MMP28: variants seen among roughly 807,000 people sequenced by gnomAD.
MMP28 encodes the protein matrix metallopeptidase 28, also known as matrix metalloproteinase-28.
Under a neutral mutation model 60.5 loss-of-function variants are expected in MMP28, and 55 were observed. The ratio of observed to expected loss-of-function variants is 0.91; its 90% CI spans 0.73 to 1.14. The LOEUF (loss-of-function observed/expected upper bound fraction) is 1.14. Ranked by LOEUF, MMP28 falls within the 50% of genes most tolerant of loss-of-function variation. The pLI is 0.00. For synonymous variants in MMP28, 318 were observed against 312.5 expected, an observed-to-expected ratio of 1.02 and a Z score of -0.18; for missense variants, 686 against 738.3, an observed-to-expected ratio of 0.93 and a Z score of 0.82.
chr17:35,783,834 T>C (rs2086574711), intron 1 of MMP28, among the ~76,000 whole-genome samples: 1 of 152,104 alleles, frequency 6.6e-6, no homozygotes, highest in Non-Finnish European at 1.5e-5. Context: ...GTCCTGGGCC[T>C]TTCTTCCTAA....
chr17:35,769,001 A>G (rs1309159992), intron 5 of MMP28, among the ~76,000 whole-genome samples: 1 of 152,198 alleles, frequency 6.6e-6, no homozygotes, highest in Non-Finnish European at 1.5e-5. Context: ...AGGTGTCATG[A>G]GGGCAGAGTC....
chr17:35,763,090 C>T (rs1375162878), downstream of MMP28, among the ~76,000 whole-genome samples: 6 of 150,340 alleles, frequency 4.0e-5, no homozygotes, highest in Non-Finnish European at 7.4e-5. Flanking sequence ...CCACTGCACT[C>T]CAGCCTGGGC....
At chr17:35,756,429 A>G (rs1392404801) in intron 2 of MMP28, 2 of 984,586 alleles carry the variant, frequency 2.0e-6, no homozygotes, top group Non-Finnish European at 1.2e-6. Context: ...GCTGCAGTAA[A>G]GCAGAACAGA....
chr17:35,777,382 C>G (rs1555607888), intron 3 of MMP28, among the ~76,000 whole-genome samples: 1 of 152,212 alleles, frequency 6.6e-6, no homozygotes, highest in Non-Finnish European at 1.5e-5. Context: ...ATTGCTGACT[C>G]CTTGCTTTAC....
intron 1 of MMP28, among the ~76,000 whole-genome samples, chr17:35,781,273 T>A (rs1012316067): frequency 6.6e-6 from 1 of 152,168 alleles, no homozygotes; most frequent in Non-Finnish European, 1.5e-5. Context: ...AGTTTTTGGC[T>A]TGGAAGGTGA....
In MMP28 at chr17:35,790,905, A is replaced by T. The variant is rs576441557; in HGVS notation, c.111+4362T>A. ...ATGTATTAATGTTTTTTTTTTTTTT[A>T]AATGTGTAGAGACAGGGTCTCTCTA... On this transcript the variant is annotated intron_variant, in intron 1 of 7. Coordinates refer to ENST00000605424, the MANE Select transcript of MMP28 (RefSeq NM_024302.5). 4.6e-4 allele frequency among the ~76,000 whole-genome samples: 66 copies of T among 144,540 alleles called. 1 individual carries two copies. Among genetic ancestry groups the T allele is most frequent in the African/African-American group, 1.6e-3 (59 of 36,682 alleles). 94.8% of individuals were successfully genotyped at this position (144,540 alleles called of 152,430 possible).
chr17:35,769,311 G>A (rs1555604586), intron 5 of MMP28, among the ~76,000 whole-genome samples: 1 of 152,178 alleles, frequency 6.6e-6, no homozygotes, highest in Admixed American at 6.5e-5. Flanking sequence ...AAGTTTCTCA[G>A]GCTACAAAGC....
chr17:35,790,271 G>T (rs2086776151), intron 1 of MMP28, among the ~76,000 whole-genome samples: 1 of 151,654 alleles, frequency 6.6e-6, no homozygotes. Context: ...CACCATGTTG[G>T]TCAGGCTGGT....
At chr17:35,784,487 T>A (rs1555610065) in intron 1 of MMP28, among the ~76,000 whole-genome samples, 1 of 151,878 alleles carries the variant, frequency 6.6e-6, no homozygotes, top group Non-Finnish European at 1.5e-5. Context: ...GGTGGTGGGG[T>A]TGAAACTCCC....
chr17:35,773,219 C>CCCTTTGGA lies in MMP28; in HGVS notation c.564_565insTCCAAAGG (p.Asp189SerfsTer41). The CCCTTTGGA allele has an allele frequency of 6.2e-7, 1 of 1,614,024 alleles. No homozygotes were observed. The highest frequency in any genetic ancestry group is 8.5e-7 in the Non-Finnish European group (1 of 1,179,894). ...GCATTGCCCAGCCCATCGTTGTGGTCCCCTTGGAAGAAGGTGAGCCGGATG... is the reference window on the plus strand; with the variant it reads ...GCATTGCCCAGCCCATCGTTGTGGTCCCTTTGGACCCTTGGAAGAAGGTGAGCCGGATG... On this transcript the variant is annotated frameshift_variant, in exon 4 of 8. Transcript: ENST00000605424. LOFTEE classifies it high-confidence loss of function.
At position 35,766,133 on chromosome 17, in the gene MMP28, T is replaced by C. The variant is rs914125828; in HGVS notation, c.*367A>G. On this transcript the variant is annotated 3_prime_UTR_variant, in exon 8 of 8. Coordinates refer to ENST00000605424, the MANE Select transcript of MMP28 (RefSeq NM_024302.5). The surrounding 1 kb of genome is among the most constrained non-coding windows in gnomAD (Gnocchi z 4.3). The stretch of plus-strand genomic sequence containing the variant: ...GTCTTGCAAAATGGTCTCGAATTTC[T>C]CTGCTGAGTTTTTCATCCCCCTGCT... The C allele has an allele frequency of 2.9e-6, 3 of 1,032,338 alleles. No individual in the cohort carries two copies. In the East Asian group the frequency reaches 2.4e-4, roughly 84 times the overall value. The allele number at this position is 1,032,338 out of a possible 1,614,324, so 63.9% of individuals were successfully genotyped here. A position where few individuals can be genotyped will look rare whatever the true frequency, so the allele number is the denominator to read the frequency against.
intron 7 of MMP28, chr17:35,767,115 GA>G: frequency 2.8e-6 from 2 of 706,090 alleles, no homozygotes; most frequent in Middle Eastern, 2.3e-4. Flanking sequence ...GGTGTCAGCA[GA>G]GGGCAGATAG....
chr17:35,789,589 G>A lies in MMP28; in HGVS notation c.111+5678C>T, dbSNP rs1481477899. ...CATCCCACAAATATTGATATGAAAT[G>A]TTGTATTTTCATTATTATTTAGTTT... On this transcript the variant is annotated intron_variant, in intron 1 of 7. Coordinates refer to ENST00000605424, the MANE Select transcript of MMP28 (RefSeq NM_024302.5). Among the ~76,000 whole-genome samples, 3 of 151,026 alleles carry A rather than the reference G, an allele frequency of 2.0e-5. No individual in the cohort carries two copies. In the East Asian group the frequency reaches 5.8e-4, roughly 29 times the overall value.
chr17:35,779,116 A>G (rs1265674183), intron 2 of MMP28, 41 bp from the exon 3 acceptor site: 20 of 1,600,038 alleles, frequency 1.2e-5, no homozygotes, highest in Non-Finnish European at 1.7e-5. Context: ...GTGAGTGGTA[A>G]GGGTGAGGGC....
In MMP28 at chr17:35,769,993, G is replaced by A. The variant is rs767733768; in HGVS notation, c.850+74C>T. 6.1e-4 allele frequency: 894 copies of A among 1,461,388 alleles called. 1 individual carries two copies. The highest frequency in any genetic ancestry group is 7.5e-4 in the Non-Finnish European group (825 of 1,105,294). 90.5% of individuals were successfully genotyped at this position (1,461,388 alleles called of 1,614,324 possible). On this transcript the variant is annotated intron_variant, in intron 5 of 7. Transcript: ENST00000605424. ...CTTAGGATGGGAAATCCTATTTGCA[G>A]AGCCGGCGTTCAAGGACAGGAGGCC...
At chr17:35,757,617 AT>A (rs1407266756) in intron 2 of MMP28, among the ~76,000 whole-genome samples, 1 of 152,118 alleles carries the variant, frequency 6.6e-6, no homozygotes, top group African/African-American at 2.4e-5. Flanking sequence ...GTTAGGCATT[AT>A]GGATTTGACT....
intron 1 of MMP28, among the ~76,000 whole-genome samples, chr17:35,781,642 T>C (rs147979129): frequency 6.6e-6 from 1 of 152,296 alleles, no homozygotes; most frequent in African/African-American, 2.4e-5. Flanking sequence ...CTTGGCTCCC[T>C]GATTGCCCTT....
At chr17:35,761,050 TCA>T, downstream of MMP28, 1 of 1,357,896 alleles carries the variant, frequency 7.4e-7, no homozygotes. Flanking sequence ...CAACCTTTTC[TCA>T]GTTACCCATC....
In MMP28 at chr17:35,787,527, G is replaced by C. The variant is rs150843683; in HGVS notation, c.111+7740C>G. On this transcript the variant is annotated intron_variant, in intron 1 of 7. Coordinates refer to ENST00000605424, the MANE Select transcript of MMP28 (RefSeq NM_024302.5). The stretch of plus-strand genomic sequence containing the variant: ...TTGTTTTTAGTCAGAGTCTTGTTCT[G>C]TTGCCCAGGCTGGAGTGCAGTGGCA... Among the ~76,000 whole-genome samples the C allele has an allele frequency of 8.9e-3, 1,350 of 152,012 alleles. 30 individuals carry two copies. The highest frequency in any genetic ancestry group is 0.031 in the African/African-American group (1,270 of 41,452).
Sources: gnomAD v4.1 joint callset for allele counts (sites outside exome capture counted in the v4.1 genomes callset) on GRCh38, gnomAD v4.1.1 for gene constraint, Gnocchi (gnomAD v3.1) non-coding constraint, MANE v1.5 for transcripts, NCBI Gene and HGNC (gene_info 2026-07-23, HGNC 2026-07-21) for gene names.